Variants in PTPRQ observed in about 807,000 individuals in gnomAD.
The protein encoded by PTPRQ is protein tyrosine phosphatase receptor type Q, also known as phosphatidylinositol phosphatase PTPRQ.
In PTPRQ, 199 loss-of-function variants were observed where a neutral mutation model predicts 246.0. That is an observed-to-expected ratio of 0.81 (90% CI 0.72 to 0.91). PTPRQ has a LOEUF of 0.91. PTPRQ is among the 40% of genes least tolerant of loss of function. The probability of loss-of-function intolerance (pLI) is 0.00; values close to 1 mark genes in which losing one functional copy is unlikely to be tolerated. For synonymous variants in PTPRQ, 869 were observed against 853.2 expected (o/e 1.02, Z -0.32); for missense variants, 2,624 against 2,528.4 (o/e 1.04, Z -0.81).
chr12:80,565,466 A>G (rs1160082422), intron 25 of PTPRQ, among the ~76,000 whole-genome samples: 2 of 152,142 alleles, frequency 1.3e-5, no homozygotes, highest in Admixed American at 1.3e-4. Flanking sequence ...TTTTCATAAC[A>G]GCCTTTACAT....
chr12:80,599,702 A>G (rs1748543050), intron 26 of PTPRQ, among the ~76,000 whole-genome samples: 1 of 151,614 alleles, frequency 6.6e-6, no homozygotes, highest in Non-Finnish European at 1.5e-5. Context: ...GTATTTAAGT[A>G]TATTATAATA....
At chr12:80,656,628 G>T (rs1028675069) in intron 38 of PTPRQ, among the ~76,000 whole-genome samples, 3 of 151,988 alleles carry the variant, frequency 2.0e-5, no homozygotes, top group Non-Finnish European at 4.4e-5. Flanking sequence ...GAAAAGTAAT[G>T]AGTACAGGGT....
At chr12:80,588,697 A>G (rs1213633754) in intron 26 of PTPRQ, among the ~76,000 whole-genome samples, 2 of 152,182 alleles carry the variant, frequency 1.3e-5, no homozygotes, top group Non-Finnish European at 2.9e-5. Context: ...AGAGTCTCAT[A>G]TTGCAACAGT....
rs541524615 is a variant in PTPRQ at position 80,575,756 on chromosome 12, T to C, written c.4286-12373T>C. ...CAGGAGGGTGAGGTGGGACAATTGGTTGAAATCAGGAGGCAGAGGTTGCAG... is the reference window on the plus strand; with the variant it reads ...CAGGAGGGTGAGGTGGGACAATTGGCTGAAATCAGGAGGCAGAGGTTGCAG... On this transcript the variant is annotated intron_variant, in intron 25 of 44. Transcript: ENST00000644991. Among the ~76,000 whole-genome samples, 85 of 149,568 alleles carry C rather than the reference T, an allele frequency of 5.7e-4. 1 individual carries two copies. The highest frequency in any genetic ancestry group is 2.1e-3 in the African/African-American group (84 of 40,556).
At chr12:80,635,817 A>G (rs372897873) in intron 35 of PTPRQ, among the ~76,000 whole-genome samples, 7 of 152,164 alleles carry the variant, frequency 4.6e-5, no homozygotes, top group Admixed American at 3.9e-4. Flanking sequence ...TTGCATTTTT[A>G]TAAGATTCAA....
intron 19 of PTPRQ, among the ~76,000 whole-genome samples, chr12:80,538,321 A>G (rs575999204): frequency 1.3e-5 from 2 of 152,342 alleles, no homozygotes; most frequent in African/African-American, 2.4e-5. Flanking sequence ...TTACATGCCT[A>G]TGCACATTAA....
intron 17 of PTPRQ, among the ~76,000 whole-genome samples, chr12:80,522,531 C>T (rs566954433): frequency 2.0e-5 from 3 of 152,110 alleles, no homozygotes; most frequent in African/African-American, 4.8e-5. Flanking sequence ...TTTTGAAATA[C>T]GTCCCATCAA....
rs1565803680 is a variant in PTPRQ, at chr12:80,588,064, C to A, written c.4286-65C>A. 5 of 1,436,052 alleles carry A rather than the reference C, an allele frequency of 3.5e-6. No individual in the cohort carries two copies. The South Asian group carries it at 6.1e-5, about 17-fold the overall frequency. 89.0% of individuals were successfully genotyped at this position (1,436,052 alleles called of 1,614,324 possible). ...AGCTCCTCCATAATAGAATTCTATT[C>A]TTTCTTCTCTTTATGAAGTGTTTGG... On this transcript the variant is annotated intron_variant, in intron 25 of 44. Coordinates refer to ENST00000644991, the MANE Select transcript of PTPRQ (RefSeq NM_001145026.2).
At chr12:80,521,444 A>G (rs1338627482) in intron 17 of PTPRQ, among the ~76,000 whole-genome samples, 1 of 152,170 alleles carries the variant, frequency 6.6e-6, no homozygotes, top group Non-Finnish European at 1.5e-5. Flanking sequence ...GCCCATGCCT[A>G]TGTCCTGAAT....
chr12:80,473,244 G>T (rs937937233), intron 8 of PTPRQ, among the ~76,000 whole-genome samples: 6 of 152,106 alleles, frequency 3.9e-5, no homozygotes, highest in African/African-American at 1.2e-4. Flanking sequence ...TATAGTTTTA[G>T]AATACATATA....
chr12:80,620,062 C>T lies in PTPRQ; in HGVS notation c.5390-92C>T, dbSNP rs567117519. On this transcript the variant is annotated intron_variant, in intron 31 of 44. Coordinates refer to ENST00000644991, the MANE Select transcript of PTPRQ (RefSeq NM_001145026.2). ...TGGTGACTGATGTTGCATCGAGAGTCCCCTTATACAATTATAAAAACACTA... is the reference window on the plus strand; with the variant it reads ...TGGTGACTGATGTTGCATCGAGAGTTCCCTTATACAATTATAAAAACACTA... 8 of 1,394,902 alleles carry T rather than the reference C, an allele frequency of 5.7e-6. No homozygotes were observed. In the South Asian group the frequency reaches 1.3e-4, roughly 22 times the overall value. 86.4% of individuals were successfully genotyped at this position (1,394,902 alleles called of 1,614,324 possible). A position where few individuals can be genotyped will look rare whatever the true frequency, so the allele number is the denominator to read the frequency against.
chr12:80,450,546 C>T (rs948214665), intron 3 of PTPRQ, among the ~76,000 whole-genome samples: 22 of 151,872 alleles, frequency 1.4e-4, no homozygotes, highest in South Asian at 4.1e-4. Flanking sequence ...TTTTGAGATA[C>T]GTCCCATCAA....
At chr12:80,580,443 T>C (rs895940981) in intron 25 of PTPRQ, among the ~76,000 whole-genome samples, 1 of 152,184 alleles carries the variant, frequency 6.6e-6, no homozygotes, top group African/African-American at 2.4e-5. Flanking sequence ...TTTTTAGTCA[T>C]TCTTAAAGAA....
In PTPRQ at chr12:80,445,575, A is replaced by G; in HGVS notation, c.248A>G (p.Asn83Ser). 6.5e-7 allele frequency: 1 copy of G among 1,549,422 alleles called. No individual in the cohort carries two copies. The highest frequency in any genetic ancestry group is 1.2e-5 in the South Asian group (1 of 83,990). Residue 83 changes from asparagine (N) to serine (S), a missense_variant, in exon 3 of 45, where the codon AAT becomes AGT. Transcript: ENST00000644991. ...TCTTGGAATACACCACCTAATCCAA[A>G]TGGAAGGATTATATCTTACATTGTC... ...LLSWNTPPNPNGRIISYIVKY... is the reference protein window; with the variant it reads ...LLSWNTPPNPSGRIISYIVKY...
chr12:80,630,712 A>T (rs1040907102), intron 33 of PTPRQ, among the ~76,000 whole-genome samples: 8 of 152,018 alleles, frequency 5.3e-5, no homozygotes, highest in African/African-American at 1.9e-4. Context: ...AGAAATACTG[A>T]TTATTAATTT....
chr12:80,520,129 C>G (rs1357090806), intron 17 of PTPRQ, among the ~76,000 whole-genome samples: 1 of 152,010 alleles, frequency 6.6e-6, no homozygotes, highest in Admixed American at 6.6e-5. Flanking sequence ...GTTCTCTCAG[C>G]CTCGTGGTCT....
intron 20 of PTPRQ, among the ~76,000 whole-genome samples, chr12:80,541,000 A>G (rs1896133526): frequency 2.6e-5 from 4 of 152,060 alleles, no homozygotes; most frequent in Admixed American, 2.0e-4. Context: ...ACTTGTGTGT[A>G]AGTAGAGTAA....
rs565393538 is a variant in PTPRQ at position 80,616,519 on chromosome 12, A to C, written c.5230+253A>C. On this transcript the variant is annotated intron_variant, in intron 30 of 44. Transcript: ENST00000644991. ...AATATATTTTATATTTCTAAGTTTA[A>C]ATTTTTAAAGACAAATTTTATAGTC... 3.9e-3 allele frequency among the ~76,000 whole-genome samples: 584 copies of C among 151,106 alleles called. 6 individuals are homozygous for C. Among genetic ancestry groups the C allele is most frequent in the African/African-American group, 0.014 (563 of 41,394 alleles).
In PTPRQ at chr12:80,671,776, G is replaced by A. The variant is rs73353384; in HGVS notation, c.6602+1284G>A. ...TCTGTTGTTCCTATCTTGGTAAAAA[G>A]CAAGTTTTTCTGTTTGAGCCAGAAG... On this transcript the variant is annotated intron_variant, in intron 42 of 44. Transcript: ENST00000644991. Among the ~76,000 whole-genome samples the A allele has an allele frequency of 6.1e-3, 932 of 152,064 alleles. 7 individuals are homozygous for A. Among genetic ancestry groups the A allele is most frequent in the African/African-American group, 0.02 (849 of 41,508 alleles).
Sources: gnomAD v4.1 joint callset for allele counts (sites outside exome capture counted in the v4.1 genomes callset) on GRCh38, gnomAD v4.1.1 for gene constraint, MANE v1.5 for transcripts, NCBI Gene and HGNC (gene_info 2026-07-23, HGNC 2026-07-21) for gene names.